RIMS2: variants seen among roughly 807,000 people sequenced by gnomAD.
RIMS2 encodes regulating synaptic membrane exocytosis 2.
In RIMS2, 59 loss-of-function variants were observed where a neutral mutation model predicts 174.4. That is an observed-to-expected ratio of 0.34 (90% CI 0.27 to 0.42). RIMS2 has a LOEUF of 0.42. Ranked by LOEUF, RIMS2 falls within the 10% of genes least tolerant of loss-of-function variation. The pLI is 1.00. For missense variants in RIMS2, 1,620 were observed against 1,666.3 expected, an observed-to-expected ratio of 0.97 and a Z score of 0.48; for synonymous variants, 606 against 572.5, an observed-to-expected ratio of 1.06 and a Z score of -0.84.
intron 19 of RIMS2, among the ~76,000 whole-genome samples, chr8:104,234,880 C>T (rs1045125118): frequency 2.0e-5 from 3 of 152,038 alleles, no homozygotes; most frequent in East Asian, 1.9e-4. Flanking sequence ...TTGGCAAATC[C>T]GCAATTTTTC....
At chr8:103,980,171 T>C (rs1192968398) in intron 16 of RIMS2, among the ~76,000 whole-genome samples, 1 of 152,062 alleles carries the variant, frequency 6.6e-6, no homozygotes, top group Admixed American at 6.6e-5. Flanking sequence ...AATTAAAGTG[T>C]CTCTTTCCTT....
intron 3 of RIMS2, among the ~76,000 whole-genome samples, chr8:103,806,565 G>C (rs2098651357): frequency 6.6e-6 from 1 of 151,964 alleles, no homozygotes; most frequent in African/African-American, 2.4e-5. Flanking sequence ...TATTTTAAAT[G>C]TGATAAGATA....
intron 10 of RIMS2, among the ~76,000 whole-genome samples, chr8:103,922,959 A>G (rs2078006062): frequency 6.6e-6 from 1 of 151,962 alleles, no homozygotes; most frequent in African/African-American, 2.4e-5. Flanking sequence ...GAGATTGTAA[A>G]TGTTCCACTA....
At chr8:104,254,415 C>T (rs1254365143), downstream of RIMS2, 2 of 152,128 alleles carry the variant, frequency 1.3e-5, no homozygotes, top group Non-Finnish European at 2.9e-5. Flanking sequence ...TTAAATAAAA[C>T]ATTTTCTTTA....
chr8:104,197,865 G>T (rs571497516), intron 19 of RIMS2, among the ~76,000 whole-genome samples: 1 of 151,954 alleles, frequency 6.6e-6, no homozygotes, highest in East Asian at 1.9e-4. Flanking sequence ...TGTCCCTAAG[G>T]CTAGCCATCA....
In RIMS2 at chr8:103,959,582, T is replaced by G. The variant is rs182821398; in HGVS notation, c.2702-1483T>G. On this transcript the variant is annotated intron_variant, in intron 14 of 23. Transcript: ENST00000504942. ...CCATGCCTGACTAATATTTTTTTTCTTTTTTTATTTTTTTGTATTTTAGTA... is the reference window on the plus strand; with the variant it reads ...CCATGCCTGACTAATATTTTTTTTCGTTTTTTATTTTTTTGTATTTTAGTA... 2.3e-3 allele frequency among the ~76,000 whole-genome samples: 354 copies of G among 152,146 alleles called. 3 individuals are homozygous for G. Among genetic ancestry groups the G allele is most frequent in the Non-Finnish European group, 3.7e-3 (254 of 68,000 alleles).
At chr8:104,135,779 G>C (rs1176158480) in intron 19 of RIMS2, among the ~76,000 whole-genome samples, 1 of 152,088 alleles carries the variant, frequency 6.6e-6, no homozygotes, top group Non-Finnish European at 1.5e-5. Context: ...ATGGGCTGTG[G>C]AATCTAAGTT....
intron 1 of RIMS2, among the ~76,000 whole-genome samples, chr8:103,564,839 T>C (rs2092130292): frequency 6.6e-6 from 1 of 152,224 alleles, no homozygotes; most frequent in Non-Finnish European, 1.5e-5. Flanking sequence ...AACAATACTT[T>C]GCATCCTTCA....
intron 14 of RIMS2, among the ~76,000 whole-genome samples, chr8:103,948,912 G>T (rs1452127994): frequency 6.6e-6 from 1 of 151,312 alleles, no homozygotes; most frequent in African/African-American, 2.4e-5. Context: ...AATTGATTGA[G>T]CCCGAGAGTT....
rs187152618 is a variant in RIMS2, at chr8:103,980,872, A to G, written c.2927+5366A>G. On this transcript the variant is annotated intron_variant, in intron 16 of 23. Transcript: ENST00000504942. The stretch of plus-strand genomic sequence containing the variant: ...GTAAGGGGAGGGAAGAGCAGGAAGG[A>G]CTTTATATTGTGGTTTGAGTGCCAC... Among the ~76,000 whole-genome samples the G allele has an allele frequency of 3.2e-3, 482 of 152,218 alleles. 2 individuals are homozygous for G. The highest frequency in any genetic ancestry group is 0.011 in the African/African-American group (443 of 41,560).
chr8:103,578,920 G>C (rs1400131262), intron 1 of RIMS2, among the ~76,000 whole-genome samples: 1 of 151,988 alleles, frequency 6.6e-6, no homozygotes, highest in Non-Finnish European at 1.5e-5. Context: ...CAACTGGAAG[G>C]TGGAGGTTGC....
chr8:103,640,816 A>G (rs949826385), intron 1 of RIMS2, among the ~76,000 whole-genome samples: 3 of 152,106 alleles, frequency 2.0e-5, no homozygotes, highest in Non-Finnish European at 4.4e-5. Context: ...CTTGAGAAGA[A>G]TGTGTATTAT....
At chr8:103,935,745 T>C (rs1291648188) in intron 12 of RIMS2, among the ~76,000 whole-genome samples, 1 of 152,200 alleles carries the variant, frequency 6.6e-6, no homozygotes, top group Non-Finnish European at 1.5e-5. Context: ...AGGTGATATA[T>C]AGGATAATCC....
chr8:104,004,862 G>A (rs1218889642), intron 17 of RIMS2, among the ~76,000 whole-genome samples: 1 of 151,672 alleles, frequency 6.6e-6, no homozygotes, highest in Non-Finnish European at 1.5e-5. Flanking sequence ...TGAGTAAAAG[G>A]ATGCTAATAG....
chr8:104,062,552 G>A (rs1399401344), intron 19 of RIMS2, among the ~76,000 whole-genome samples: 1 of 152,032 alleles, frequency 6.6e-6, no homozygotes, highest in East Asian at 1.9e-4. Flanking sequence ...GTTCTCTGTT[G>A]AAAGAAATTG....
At chr8:103,590,534 A>G (rs2094201653) in intron 1 of RIMS2, among the ~76,000 whole-genome samples, 1 of 151,260 alleles carries the variant, frequency 6.6e-6, no homozygotes, top group Non-Finnish European at 1.5e-5. Flanking sequence ...GAAAAATTTC[A>G]AGCATACAGA....
intron 19 of RIMS2, chr8:104,148,812 C>T (rs754798117): frequency 1.0e-4 from 167 of 1,598,340 alleles, no homozygotes; most frequent in Non-Finnish European, 1.4e-4. Context: ...TGGTCTGTCA[C>T]GGAAAAGTCG....
At chr8:104,175,966 A>G (rs748192100) in intron 19 of RIMS2, among the ~76,000 whole-genome samples, 1 of 152,108 alleles carries the variant, frequency 6.6e-6, no homozygotes, top group Non-Finnish European at 1.5e-5. Flanking sequence ...GCTATATAGT[A>G]GGATGTGGCT....
intron 3 of RIMS2, among the ~76,000 whole-genome samples, chr8:103,825,473 TGG>T (rs2098784139): frequency 7.2e-6 from 1 of 139,684 alleles, no homozygotes. Context: ...TTGTTAGAGA[TGG>T]GGTTTCGCCA....
Sources: gnomAD v4.1 joint callset for allele counts (sites outside exome capture counted in the v4.1 genomes callset) on GRCh38, gnomAD v4.1.1 for gene constraint, MANE v1.5 for transcripts, NCBI Gene and HGNC (gene_info 2026-07-23, HGNC 2026-07-21) for gene names.